The following ERP44 variants were observed in gnomAD, a reference collection of about 807,000 sequenced individuals.
The protein encoded by ERP44 is endoplasmic reticulum protein 44, also known as endoplasmic reticulum resident protein 44.
In ERP44, 25 loss-of-function variants were observed where a neutral mutation model predicts 53.4. The observed-to-expected ratio is 0.47, with a 90% CI of 0.34 to 0.65. ERP44 has a LOEUF of 0.65. Ranked by LOEUF, ERP44 falls within the 30% of genes least tolerant of loss-of-function variation. ERP44 has a pLI of 0.01. For missense variants in ERP44, 338 were observed against 493.2 expected, an observed-to-expected ratio of 0.69 and a Z score of 2.98; for synonymous variants, 145 against 161.2, an observed-to-expected ratio of 0.90 and a Z score of 0.76.
chr9:99,987,366 C>T (rs970408560), intron 10 of ERP44, among the ~76,000 whole-genome samples: 8 of 152,148 alleles, frequency 5.3e-5, no homozygotes, highest in African/African-American at 9.7e-5. Context: ...ATATATATCA[C>T]GCTTTAGGGC....
chr9:100,004,416 GCCTC>G (rs1280988695), intron 10 of ERP44, among the ~76,000 whole-genome samples: 1 of 152,200 alleles, frequency 6.6e-6, no homozygotes, highest in Non-Finnish European at 1.5e-5. Flanking sequence ...TGCTGGGCAG[GCCTC>G]GGGCCTGCAG....
chr9:100,098,518 G>T (rs922158819), intron 1 of ERP44, among the ~76,000 whole-genome samples: 2 of 152,184 alleles, frequency 1.3e-5, no homozygotes, highest in African/African-American at 4.8e-5. Context: ...CCGGACTTCG[G>T]GGAGAAGGGG....
chr9:100,084,190 T>C (rs1025854955), intron 1 of ERP44, among the ~76,000 whole-genome samples: 5 of 152,198 alleles, frequency 3.3e-5, no homozygotes, highest in African/African-American at 1.2e-4. Context: ...AAAAGTTAAA[T>C]CATGTATGAT....
chr9:100,068,854 G>A (rs1011860890), intron 1 of ERP44, among the ~76,000 whole-genome samples: 9 of 152,250 alleles, frequency 5.9e-5, no homozygotes. Context: ...GGAAAGGGGG[G>A]AAAGGTGGGG....
chr9:100,098,404 A>T (rs1826679420), intron 1 of ERP44, among the ~76,000 whole-genome samples: 1 of 152,134 alleles, frequency 6.6e-6, no homozygotes, highest in Non-Finnish European at 1.5e-5. Context: ...TGTCGACCTC[A>T]CACTCTTCCC....
At position 100,007,610 on chromosome 9, in the gene ERP44, T is replaced by C; in HGVS notation, c.842A>G (p.Asn281Ser). The C allele has an allele frequency of 6.3e-7, 1 of 1,590,276 alleles. No individual in the cohort carries two copies. The highest frequency in any genetic ancestry group is 1.7e-5 in the Admixed American group (1 of 59,992). Residue 281 changes from asparagine to serine, a missense_variant, in exon 9 of 12, where the codon AAT becomes AGT. Asn to Ser is a conservative substitution (Grantham distance 46). Around this residue, in one of 3 missense-constraint regions of ERP44, gnomAD observed 113 missense variants for 172.6 expected, o/e 0.65. Coordinates refer to ENST00000262455, the MANE Select transcript of ERP44 (RefSeq NM_015051.3). ...EDTESLEIFQNEVARQLISEK... is the reference protein window; with the variant it reads ...EDTESLEIFQSEVARQLISEK... Reference sequence around the variant, plus strand: ...ACTTATTAATTGCCGAGCTACTTCATTCTGGAATATTTCTAAACTTTCTGT... The same window carrying C: ...ACTTATTAATTGCCGAGCTACTTCACTCTGGAATATTTCTAAACTTTCTGT...
chr9:100,013,435 A>C (rs7873746), intron 8 of ERP44, among the ~76,000 whole-genome samples: 97,947 of 149,524 alleles, frequency 0.66, 33,085 homozygotes, highest in East Asian at 0.89. Context: ...AAAAAAAAAA[A>C]AAAGAATTAT....
chr9:100,091,023 G>A (rs1420315265), intron 1 of ERP44, among the ~76,000 whole-genome samples: 1 of 152,046 alleles, frequency 6.6e-6, no homozygotes, highest in East Asian at 1.9e-4. Context: ...AAAAAGTACT[G>A]GTATTCTACT....
chr9:100,050,085 A>G (rs1826020183), intron 4 of ERP44, among the ~76,000 whole-genome samples: 1 of 151,564 alleles, frequency 6.6e-6, no homozygotes, highest in African/African-American at 2.4e-5. Context: ...TGTATGATTC[A>G]CTTATATAAA....
intron 1 of ERP44, among the ~76,000 whole-genome samples, chr9:100,076,545 C>G (rs1033395573): frequency 6.6e-6 from 1 of 152,174 alleles, no homozygotes; most frequent in African/African-American, 2.4e-5. Context: ...GGAAATCTTC[C>G]CAGTGGGCAA....
chr9:100,043,366 A>AG (rs1825934166), intron 4 of ERP44, among the ~76,000 whole-genome samples: 1 of 150,600 alleles, frequency 6.6e-6, no homozygotes. Context: ...ACTTTTAAAA[A>AG]TAACTTAAAC....
At chr9:100,091,719 A>G (rs896756819) in intron 1 of ERP44, among the ~76,000 whole-genome samples, 8 of 152,238 alleles carry the variant, frequency 5.3e-5, no homozygotes, top group Non-Finnish European at 1.0e-4. Context: ...CTCCACTGAG[A>G]AATAATTTGT....
chr9:99,980,176 C>A lies in ERP44; in HGVS notation c.*2436G>T. 1 of 397,512 alleles carries A rather than the reference C, an allele frequency of 2.5e-6. No homozygotes were observed. Among genetic ancestry groups the A allele is most frequent in the Non-Finnish European group, 4.4e-6 (1 of 225,628 alleles). The allele number at this position is 397,512 out of a possible 1,614,324, so 24.6% of individuals were successfully genotyped here. A position where few individuals can be genotyped will look rare whatever the true frequency, so the allele number is the denominator to read the frequency against. On this transcript the variant is annotated 3_prime_UTR_variant, in exon 12 of 12. Coordinates refer to ENST00000262455, the MANE Select transcript of ERP44 (RefSeq NM_015051.3). ...GAGTGCTCCTTTATGCCCTCTTTAA[C>A]CTTTATTTTGTCTTTACATCTATAA...
chr9:100,065,902 G>A (rs888465965), intron 1 of ERP44, among the ~76,000 whole-genome samples: 5 of 152,218 alleles, frequency 3.3e-5, no homozygotes, highest in African/African-American at 1.2e-4. Flanking sequence ...CTTAGTAAAT[G>A]AGTTTAGAAA....
chr9:100,055,254 CAG>C (rs1289921455), intron 3 of ERP44, among the ~76,000 whole-genome samples: 2 of 152,014 alleles, frequency 1.3e-5, no homozygotes, highest in South Asian at 2.1e-4. Flanking sequence ...GATGACTAAA[CAG>C]AAATGTATTG....
intron 4 of ERP44, among the ~76,000 whole-genome samples, chr9:100,040,502 G>A (rs2118686453): frequency 6.6e-6 from 1 of 152,200 alleles, no homozygotes; most frequent in Non-Finnish European, 1.5e-5. Flanking sequence ...AACTTGCAGA[G>A]AAGGAACATA....
chr9:100,037,532 A>G (rs752113188), intron 4 of ERP44, among the ~76,000 whole-genome samples: 1 of 152,082 alleles, frequency 6.6e-6, no homozygotes, highest in South Asian at 2.1e-4. Context: ...GGCTGCTGGC[A>G]TCACCCCTCC....
intron 4 of ERP44, among the ~76,000 whole-genome samples, chr9:100,042,599 A>G (rs1314772978): frequency 1.3e-5 from 2 of 152,230 alleles, no homozygotes; most frequent in Non-Finnish European, 2.9e-5. Flanking sequence ...TGCAAGAGAC[A>G]TTTGCACTCC....
chr9:100,021,876 A>C (rs970057253), intron 5 of ERP44, among the ~76,000 whole-genome samples, 166 bp downstream of exon 5: 2 of 152,246 alleles, frequency 1.3e-5, no homozygotes, highest in African/African-American at 4.8e-5. Context: ...GTATAACATA[A>C]GCATTTGCCT....
Sources: gnomAD v4.1 joint callset for allele counts (sites outside exome capture counted in the v4.1 genomes callset) on GRCh38, gnomAD v4.1.1 for gene constraint, gnomAD v4.1.1 regional missense constraint, MANE v1.5 for transcripts, NCBI Gene and HGNC (gene_info 2026-07-23, HGNC 2026-07-21) for gene names.